The following TMEM132D variants were observed in gnomAD, a reference collection of about 807,000 sequenced individuals.
TMEM132D encodes mature OL transmembrane protein.
Under a neutral mutation model 62.3 loss-of-function variants are expected in TMEM132D, and 21 were observed. That is an observed-to-expected ratio of 0.34 (90% CI 0.24 to 0.49). The LOEUF (loss-of-function observed/expected upper bound fraction) is 0.49. Ranked by LOEUF, TMEM132D falls within the 20% of genes least tolerant of loss-of-function variation. The probability of loss-of-function intolerance (pLI) is 0.99; values close to 1 mark genes in which losing one functional copy is unlikely to be tolerated. For missense variants in TMEM132D, 1,346 were observed against 1,402.8 expected (o/e 0.96, Z 0.65); for synonymous variants, 621 against 575.6 (o/e 1.08, Z -1.13).
chr12:129,148,982 A>C (rs1876995683), intron 5 of TMEM132D, among the ~76,000 whole-genome samples: 1 of 152,130 alleles, frequency 6.6e-6, no homozygotes, highest in African/African-American at 2.4e-5. Context: ...CAGCTTTGAC[A>C]AAAAGGGACT....
chr12:129,392,571 G>T (rs1056230063), intron 3 of TMEM132D, among the ~76,000 whole-genome samples: 79 of 152,182 alleles, frequency 5.2e-4, no homozygotes, highest in African/African-American at 1.7e-3. Context: ...GAGGTCAGTG[G>T]TTCACAAAGT....
At chr12:129,134,124 G>GTGTGTC (rs1555231894) in intron 5 of TMEM132D, among the ~76,000 whole-genome samples, 20 of 142,042 alleles carry the variant, frequency 1.4e-4, no homozygotes, top group Admixed American at 5.6e-4. Flanking sequence ...TGTTGTGTGT[G>GTGTGTC]TGTGTGTGTC....
intron 3 of TMEM132D, among the ~76,000 whole-genome samples, chr12:129,355,654 A>G (rs1870019615): frequency 6.6e-6 from 1 of 152,200 alleles, no homozygotes; most frequent in South Asian, 2.1e-4. Flanking sequence ...GCAGCAAATT[A>G]TGGTGGATAG....
chr12:129,699,634 CCA>C (rs944785394), intron 2 of TMEM132D, among the ~76,000 whole-genome samples, 174 bp downstream of exon 2: 10 of 152,332 alleles, frequency 6.6e-5, no homozygotes, highest in African/African-American at 2.4e-4. Context: ...AACCCAATTG[CCA>C]ACCCGGAACG....
chr12:129,794,800 T>C (rs1871513138), intron 1 of TMEM132D, among the ~76,000 whole-genome samples: 1 of 152,192 alleles, frequency 6.6e-6, no homozygotes, highest in Admixed American at 6.5e-5. Flanking sequence ...TTATTGTGGC[T>C]CTGCTGATGT....
intron 5 of TMEM132D, among the ~76,000 whole-genome samples, chr12:129,166,728 C>CAT (rs200074780): frequency 8.2e-5 from 12 of 146,472 alleles, no homozygotes; most frequent in East Asian, 2.0e-4. Context: ...CACACACACA[C>CAT]ATATATATAT....
intron 1 of TMEM132D, among the ~76,000 whole-genome samples, chr12:129,717,486 AAATT>A (rs1320435947): frequency 7.5e-4 from 113 of 149,962 alleles, no homozygotes; most frequent in South Asian, 2.7e-3. Flanking sequence ...AATTTTAATA[AAATT>A]AATAAAAATA....
At chr12:129,126,108 A>G (rs1320850357) in intron 5 of TMEM132D, among the ~76,000 whole-genome samples, 1 of 152,160 alleles carries the variant, frequency 6.6e-6, no homozygotes, top group Middle Eastern at 3.2e-3. Flanking sequence ...TTTTCCCAAC[A>G]CACTTTCCTT....
At chr12:129,631,232 C>G (rs190287255) in intron 2 of TMEM132D, among the ~76,000 whole-genome samples, 1 of 152,148 alleles carries the variant, frequency 6.6e-6, no homozygotes, top group Admixed American at 6.5e-5. Flanking sequence ...AGCGCTACTG[C>G]GTCTTTCTCT....
chr12:129,850,155 G>A (rs547474261), intron 1 of TMEM132D, among the ~76,000 whole-genome samples: 1 of 152,184 alleles, frequency 6.6e-6, no homozygotes, highest in African/African-American at 2.4e-5. Flanking sequence ...GAAAGAAGTG[G>A]TGGATCTCTC....
chr12:129,767,646 C>T (rs1870595027), intron 1 of TMEM132D, among the ~76,000 whole-genome samples: 1 of 152,174 alleles, frequency 6.6e-6, no homozygotes, highest in South Asian at 2.1e-4. Context: ...CCTCCATGAT[C>T]ATCCATGTTG....
At chr12:129,805,474 A>G (rs1470360951) in intron 1 of TMEM132D, among the ~76,000 whole-genome samples, 1 of 152,162 alleles carries the variant, frequency 6.6e-6, no homozygotes, top group Admixed American at 6.5e-5. Context: ...GGTGCTGGGA[A>G]AACCTGCTAG....
chr12:129,834,620 C>A (rs949020358), intron 1 of TMEM132D, among the ~76,000 whole-genome samples: 2 of 152,192 alleles, frequency 1.3e-5, no homozygotes, highest in African/African-American at 4.8e-5. Context: ...GGTCCCTGGG[C>A]AGTGAGCAGC....
chr12:129,783,630 G>C (rs1443620575), intron 1 of TMEM132D, among the ~76,000 whole-genome samples: 1 of 152,198 alleles, frequency 6.6e-6, no homozygotes, highest in African/African-American at 2.4e-5. Flanking sequence ...TTCAAGATCT[G>C]ATAGGTGTTT....
In TMEM132D at chr12:129,216,574, G is replaced by A. The variant is rs148313811; in HGVS notation, c.1300-6911C>T. The stretch of plus-strand genomic sequence containing the variant: ...AAGAGGTAGGAAGGATGCTTCCCTA[G>A]AGCCTCCAGAGGGAGCATGGCCCTG... On this transcript the variant is annotated intron_variant, in intron 4 of 8. Coordinates refer to ENST00000422113, the MANE Select transcript of TMEM132D (RefSeq NM_133448.3). Among the ~76,000 whole-genome samples, 107 of 152,296 alleles carry A rather than the reference G, an allele frequency of 7.0e-4. 1 individual carries two copies. In the South Asian group the frequency reaches 0.011, roughly 16 times the overall value.
intron 2 of TMEM132D, among the ~76,000 whole-genome samples, chr12:129,557,685 C>T (rs1271521593): frequency 6.6e-6 from 1 of 152,144 alleles, no homozygotes; most frequent in Non-Finnish European, 1.5e-5. Context: ...CATTGCACTC[C>T]AGCCTGAGAA....
At chr12:129,151,360 T>C (rs945990904) in intron 5 of TMEM132D, among the ~76,000 whole-genome samples, 1 of 152,172 alleles carries the variant, frequency 6.6e-6, no homozygotes, top group African/African-American at 2.4e-5. Context: ...TTGTTGGGGT[T>C]GCCTTATTCT....
Position 129,084,494 on chromosome 12 carries a change from C to G in TMEM132D, c.1649+3G>C, listed in dbSNP as rs774329506. ...TGCCATGGAGTTTCAGGGACATACC[C>G]ACCTCCTGCTGGAGACGATGGGCAC... On this transcript the variant is annotated splice_donor_region_variant and intron_variant, in intron 6 of 8. Transcript: ENST00000422113. The G allele has an allele frequency of 2.5e-6, 4 of 1,586,752 alleles. No homozygotes were observed. Among genetic ancestry groups the G allele is most frequent in the Non-Finnish European group, 3.4e-6 (4 of 1,166,684 alleles).
chr12:129,244,182 G>A (rs1339486050), intron 4 of TMEM132D, among the ~76,000 whole-genome samples: 3 of 151,938 alleles, frequency 2.0e-5, no homozygotes, highest in Non-Finnish European at 4.4e-5. Flanking sequence ...TCAGGAGATC[G>A]AGACCATCCT....
Sources: gnomAD v4.1 joint callset for allele counts (sites outside exome capture counted in the v4.1 genomes callset) on GRCh38, gnomAD v4.1.1 for gene constraint, MANE v1.5 for transcripts, NCBI Gene and HGNC (gene_info 2026-07-23, HGNC 2026-07-21) for gene names.